NTM: variants seen among roughly 807,000 people sequenced by gnomAD.
NTM encodes the protein neurotrimin, also known as IgLON family member 2.
A neutral mutation model predicts 42.1 loss-of-function variants in NTM; 13 were observed. The observed-to-expected ratio is 0.31, with a 90% CI of 0.20 to 0.49. The LOEUF (loss-of-function observed/expected upper bound fraction) is 0.49, where lower values mean the gene tolerates loss of function less well. NTM is among the 20% of genes least tolerant of loss of function. The pLI is 0.99. For synonymous variants in NTM, 187 were observed against 179.2 expected, an observed-to-expected ratio of 1.04 and a Z score of -0.35; for missense variants, 373 against 452.8, an observed-to-expected ratio of 0.82 and a Z score of 1.60.
At chr11:132,122,283 G>C (rs916428621) in intron 2 of NTM, among the ~76,000 whole-genome samples, 5 of 152,196 alleles carry the variant, frequency 3.3e-5, no homozygotes, top group Admixed American at 3.3e-4. Flanking sequence ...GGCCAAAGTG[G>C]GGTGTGCCCC....
intron 4 of NTM, among the ~76,000 whole-genome samples, chr11:132,296,661 G>GGT (rs1011935669): frequency 1.5e-4 from 23 of 152,140 alleles, no homozygotes; most frequent in Non-Finnish European, 2.6e-4. Context: ...CCAAGACCCA[G>GGT]GTGTGTGTGT....
At position 132,310,187 on chromosome 11, in the gene NTM, C is replaced by T. The variant is rs1335149531; in HGVS notation, c.737C>T (p.Ser246Leu). Residue 246 changes from serine to leucine, a missense_variant, in exon 6 of 9, where the codon TCA becomes TTA. Ser to Leu is a moderately radical substitution (Grantham distance 145). Transcript: ENST00000683400. ...AAGGGGACACTGCAGTGTGAAGCCT[C>T]AGCAGTCCCCTCAGCAGAATTCCAG... ...GQKGTLQCEA[S>L]AVPSAEFQWY... The T allele has an allele frequency of 6.2e-7, 1 of 1,610,804 alleles. No individual in the cohort carries two copies. Among genetic ancestry groups the T allele is most frequent in the Non-Finnish European group, 8.5e-7 (1 of 1,178,724 alleles).
rs547158998 is a variant in NTM at position 131,760,468 on chromosome 11, C to T, written c.83-151096C>T. 7.9e-5 allele frequency among the ~76,000 whole-genome samples: 12 copies of T among 152,264 alleles called. No individual in the cohort carries two copies. The South Asian group carries it at 2.3e-3, about 29-fold the overall frequency. On this transcript the variant is annotated intron_variant, in intron 1 of 8. Coordinates refer to ENST00000683400, the MANE Select transcript of NTM (RefSeq NM_001352005.2). The stretch of plus-strand genomic sequence containing the variant: ...CCGATATGCTGGTTCATCAGCATGG[C>T]GCATTGTTAAAAAGTGCTGGGTGGG...
intron 1 of NTM, among the ~76,000 whole-genome samples, chr11:131,803,537 T>A (rs1048471818): frequency 5.9e-5 from 9 of 152,200 alleles, no homozygotes; most frequent in African/African-American, 2.2e-4. Flanking sequence ...CTCAAACTCC[T>A]GACCTCAAGC....
intron 1 of NTM, among the ~76,000 whole-genome samples, chr11:131,838,115 GTTATTTATTTAT>G: frequency 6.6e-6 from 1 of 152,164 alleles, no homozygotes; most frequent in Admixed American, 6.5e-5. Context: ...TTTTTTCACA[GTTATTTATTTAT>G]TTATTTTTAC....
rs1477668287 is a variant in NTM, at chr11:132,022,896, C to A, written c.167+111248C>A. ...AGTGCAACATGTGATAAAAATGCTC[C>A]TGCTGGATGGGATCCCGGTTTTCTT... On this transcript the variant is annotated intron_variant, in intron 2 of 8. Coordinates refer to ENST00000683400, the MANE Select transcript of NTM (RefSeq NM_001352005.2). 2.0e-5 allele frequency among the ~76,000 whole-genome samples: 3 copies of A among 152,168 alleles called. No homozygotes were observed. In the East Asian group the frequency reaches 5.8e-4, roughly 29 times the overall value.
At chr11:132,123,904 G>A (rs1313975179) in intron 2 of NTM, among the ~76,000 whole-genome samples, 4 of 152,152 alleles carry the variant, frequency 2.6e-5, no homozygotes, top group Admixed American at 1.3e-4. Context: ...CAGAAACCAC[G>A]AGGCAGAGTT....
chr11:131,848,839 A>C (rs2045217520), intron 1 of NTM, among the ~76,000 whole-genome samples: 1 of 152,176 alleles, frequency 6.6e-6, no homozygotes, highest in South Asian at 2.1e-4. Flanking sequence ...TCATAGTGCA[A>C]GTGGAGTTTC....
chr11:131,519,597 T>C (rs561859350), intron 1 of NTM, among the ~76,000 whole-genome samples: 111 of 147,032 alleles, frequency 7.5e-4, no homozygotes, highest in African/African-American at 2.7e-3. Flanking sequence ...GGTTAGCACC[T>C]GAGAGGTGAA....
intron 1 of NTM, among the ~76,000 whole-genome samples, chr11:131,420,342 T>C (rs1204532508): frequency 6.6e-6 from 1 of 152,144 alleles, no homozygotes; most frequent in Non-Finnish European, 1.5e-5. Context: ...AGGCAGCCTC[T>C]GGAGGCTGAG....
intron 2 of NTM, among the ~76,000 whole-genome samples, chr11:131,995,466 A>G (rs2067830188): frequency 6.6e-6 from 1 of 152,090 alleles, no homozygotes; most frequent in African/African-American, 2.4e-5. Flanking sequence ...GGTATCATTG[A>G]GGCTTCTCAA....
At chr11:131,421,069 G>A (rs956516731) in intron 1 of NTM, among the ~76,000 whole-genome samples, 2 of 152,194 alleles carry the variant, frequency 1.3e-5, no homozygotes, top group African/African-American at 4.8e-5. Context: ...CCCTGCGGGT[G>A]TGAGATGGGC....
chr11:132,075,352 T>C (rs1411216256), intron 2 of NTM, among the ~76,000 whole-genome samples: 1 of 152,236 alleles, frequency 6.6e-6, no homozygotes, highest in Non-Finnish European at 1.5e-5. Context: ...TTTTAATCAA[T>C]ACATATTAAA....
At chr11:131,696,630 A>T (rs2075479988) in intron 1 of NTM, among the ~76,000 whole-genome samples, 2 of 152,174 alleles carry the variant, frequency 1.3e-5, no homozygotes, top group Non-Finnish European at 1.5e-5. Context: ...ATAAATGTGG[A>T]TGATACTGCT....
intron 1 of NTM, among the ~76,000 whole-genome samples, chr11:131,533,115 T>C (rs555889070): frequency 1.3e-5 from 2 of 152,324 alleles, no homozygotes; most frequent in South Asian, 4.1e-4. Flanking sequence ...CTTGTTCTTA[T>C]ACATTTTCCT....
intron 1 of NTM, among the ~76,000 whole-genome samples, chr11:131,692,525 T>G (rs2074918773): frequency 6.6e-6 from 1 of 152,072 alleles, no homozygotes; most frequent in Admixed American, 6.5e-5. Flanking sequence ...AGGTCCTTTT[T>G]GAAGAAACTG....
chr11:132,178,283 T>A (rs1455589530), intron 3 of NTM, among the ~76,000 whole-genome samples: 2 of 152,170 alleles, frequency 1.3e-5, no homozygotes, highest in Admixed American at 1.3e-4. Flanking sequence ...ACTTTAATAA[T>A]ATGTAAGTTA....
At chr11:131,539,260 C>T (rs1328416076) in intron 1 of NTM, 1 of 152,180 alleles carries the variant, frequency 6.6e-6, no homozygotes, top group Non-Finnish European at 1.5e-5. Context: ...GCCAGGAAGG[C>T]TTTGCAGAAG....
chr11:131,419,322 G>A (rs1234216407), intron 1 of NTM, among the ~76,000 whole-genome samples: 1 of 152,190 alleles, frequency 6.6e-6, no homozygotes, highest in Non-Finnish European at 1.5e-5. Context: ...ATGAAAATCT[G>A]TTATTAGGTG....
Sources: allele counts gnomAD v4.1 joint callset (sites outside exome capture counted in the v4.1 genomes callset), GRCh38; gene constraint gnomAD v4.1.1; transcripts MANE v1.5; gene names NCBI Gene and HGNC (gene_info 2026-07-23, HGNC 2026-07-21).